CPEB2: variants seen among roughly 807,000 people sequenced by gnomAD.
CPEB2 encodes the protein cytoplasmic polyadenylation element-binding protein 2.
In CPEB2, 56 loss-of-function variants were observed where a neutral mutation model predicts 93.6. The observed-to-expected ratio is 0.60, with a 90% CI of 0.48 to 0.75. CPEB2 has a LOEUF of 0.75. Ranked by LOEUF, CPEB2 falls within the 30% of genes least tolerant of loss-of-function variation. CPEB2 has a pLI of 0.00. For missense variants in CPEB2, 1,579 were observed against 1,395.1 expected, an observed-to-expected ratio of 1.13 and a Z score of -2.10; for synonymous variants, 764 against 586.3, an observed-to-expected ratio of 1.30 and a Z score of -4.38.
intron 5 of CPEB2, among the ~76,000 whole-genome samples, chr4:15,039,810 A>G (rs1388361119): frequency 6.6e-6 from 1 of 152,174 alleles, no homozygotes; most frequent in Non-Finnish European, 1.5e-5. Flanking sequence ...AGGTAGACAC[A>G]TAAACAATTA....
At chr4:15,011,101 C>CTTT (rs201436379) in intron 3 of CPEB2, among the ~76,000 whole-genome samples, 46 of 125,768 alleles carry the variant, frequency 3.7e-4, no homozygotes, top group East Asian at 9.1e-4. Flanking sequence ...AATTTCTTTT[C>CTTT]TTTTTTTTTT....
At chr4:15,033,274 T>C in intron 5 of CPEB2, 63 bp downstream of exon 5, 1 of 1,052,546 alleles carries the variant, frequency 9.5e-7, no homozygotes, top group Non-Finnish European at 1.5e-6. Flanking sequence ...TTAATACATG[T>C]TTCTCTGAAC....
intron 3 of CPEB2, among the ~76,000 whole-genome samples, chr4:15,010,938 T>C (rs778638559): frequency 2.0e-5 from 3 of 152,124 alleles, no homozygotes; most frequent in Non-Finnish European, 4.4e-5. Context: ...TTTTTATTTC[T>C]GTTAATATGT....
chr4:15,056,825 T>C (rs958711457), intron 8 of CPEB2, among the ~76,000 whole-genome samples: 49 of 152,272 alleles, frequency 3.2e-4, no homozygotes, highest in African/African-American at 1.1e-3. Flanking sequence ...GAAGCTATTA[T>C]GTAGTATGTT....
chr4:15,040,414 G>A (rs1727052249), intron 5 of CPEB2, 50 bp from the exon 6 acceptor site: 5 of 1,513,420 alleles, frequency 3.3e-6, no homozygotes, highest in Non-Finnish European at 4.4e-6. Flanking sequence ...GTATATGTGG[G>A]CTTATTTTTA....
chr4:15,054,681 A>G (rs1234393179), intron 8 of CPEB2, among the ~76,000 whole-genome samples: 1 of 152,162 alleles, frequency 6.6e-6, no homozygotes, highest in Admixed American at 6.5e-5. Context: ...TATTGCTAGG[A>G]AGACACCGTG....
intron 6 of CPEB2, 60 bp downstream of exon 6, chr4:15,040,547 T>C: frequency 7.2e-7 from 1 of 1,385,496 alleles, no homozygotes; most frequent in East Asian, 2.5e-5. Flanking sequence ...TGATCAATGT[T>C]GTAATTAATT....
At chr4:15,034,264 G>A (rs749212690) in intron 5 of CPEB2, among the ~76,000 whole-genome samples, 5 of 152,176 alleles carry the variant, frequency 3.3e-5, no homozygotes, top group African/African-American at 4.8e-5. Flanking sequence ...CAGGATGGTT[G>A]TGGTCAGAAT....
intron 3 of CPEB2, 48 bp downstream of exon 3, chr4:15,008,475 T>G: frequency 4.0e-6 from 5 of 1,235,326 alleles, no homozygotes; most frequent in Non-Finnish European, 5.9e-6. Context: ...AGGAGTTTAG[T>G]ATTTATATTA....
chr4:15,008,985 A>AC (rs1723149260), intron 3 of CPEB2, among the ~76,000 whole-genome samples: 1 of 152,196 alleles, frequency 6.6e-6, no homozygotes, highest in African/African-American at 2.4e-5. Context: ...CTATGGAGAA[A>AC]CCGTTAGTCA....
chr4:15,032,071 A>G (rs1380587428), intron 4 of CPEB2, among the ~76,000 whole-genome samples: 5 of 152,202 alleles, frequency 3.3e-5, no homozygotes, highest in Non-Finnish European at 5.9e-5. Context: ...TTTAATTTTT[A>G]GACATTTTTC....
chr4:15,029,421 C>T (rs971746291), intron 4 of CPEB2, among the ~76,000 whole-genome samples: 7 of 151,908 alleles, frequency 4.6e-5, no homozygotes, highest in African/African-American at 1.5e-4. Flanking sequence ...TTCACTGATA[C>T]CCAAAAATAC....
intron 8 of CPEB2, 31 bp from the exon 9 acceptor site, chr4:15,058,390 C>A: frequency 2.3e-6 from 3 of 1,287,570 alleles, no homozygotes; most frequent in Non-Finnish European, 2.2e-6. Flanking sequence ...CTTGGCTTGA[C>A]ATATTGCCTC....
chr4:15,061,708 T>C (rs981445908), intron 10 of CPEB2, among the ~76,000 whole-genome samples: 2 of 147,710 alleles, frequency 1.4e-5, no homozygotes, highest in Non-Finnish European at 3.0e-5. Context: ...CTTGGGAAAA[T>C]TGATTGTATA....
In CPEB2 at chr4:15,007,306, C is replaced by G; in HGVS notation, c.1664C>G (p.Pro555Arg). The change falls in exon 2 of 12, where the codon CCT (proline) becomes CGT (arginine). Residue 555 changes from proline to arginine, a missense_variant and splice_region_variant. Coordinates refer to ENST00000538197, the MANE Select transcript of CPEB2 (RefSeq NM_001177382.2). ...TTTAAATAGCTATGTTTTCCCTAGC[C>G]TCTTCTGAAACAGTCTCCCTGGAGC... ...QQRNSYNHHQ[P>R]LLKQSPWSNH... The G allele has an allele frequency of 6.8e-7, 1 of 1,465,380 alleles. No homozygotes were observed. Among genetic ancestry groups the G allele is most frequent in the Non-Finnish European group, 9.1e-7 (1 of 1,099,872 alleles). The allele number at this position is 1,465,380 out of a possible 1,614,324, so 90.8% of individuals were successfully genotyped here.
rs141435527 is a variant in CPEB2, at chr4:15,009,221, A to G, written c.2034+794A>G. On this transcript the variant is annotated intron_variant, in intron 3 of 11. Transcript: ENST00000538197. ...TTGTGTGTGTTATATGAATGGAGCT[A>G]TGTTATTCTAAGTCTCTTCCTTGGT... Among the ~76,000 whole-genome samples the G allele has an allele frequency of 4.2e-3, 637 of 152,342 alleles. 4 individuals are homozygous for G. Among genetic ancestry groups the G allele is most frequent in the African/African-American group, 0.014 (596 of 41,584 alleles).
intron 2 of CPEB2, among the ~76,000 whole-genome samples, chr4:15,008,123 T>C (rs1723058351): frequency 6.6e-6 from 1 of 152,242 alleles, no homozygotes; most frequent in South Asian, 2.1e-4. Flanking sequence ...GATTAGACTT[T>C]TTTTTTCTTT....
At chr4:15,041,892 T>C (rs1727222690) in intron 6 of CPEB2, among the ~76,000 whole-genome samples, 1 of 152,204 alleles carries the variant, frequency 6.6e-6, no homozygotes, top group African/African-American at 2.4e-5. Flanking sequence ...AATGCTTGAC[T>C]GAATCTTTTG....
intron 2 of CPEB2, 105 bp from the exon 3 acceptor site, chr4:15,008,233 G>A: frequency 5.6e-6 from 4 of 718,544 alleles, no homozygotes; most frequent in Non-Finnish European, 9.5e-6. Flanking sequence ...GATGGAATGA[G>A]GATTTAAGAT....
Sources: allele counts gnomAD v4.1 joint callset (sites outside exome capture counted in the v4.1 genomes callset), GRCh38; gene constraint gnomAD v4.1.1; transcripts MANE v1.5; gene names NCBI Gene and HGNC (gene_info 2026-07-23, HGNC 2026-07-21).